Variants in MGAT4C observed in about 807,000 individuals in gnomAD.
MGAT4C encodes the protein alpha-1,3-mannosyl-glycoprotein 4-beta-N-acetylglucosaminyltransferase C.
Under a neutral mutation model 40.1 loss-of-function variants are expected in MGAT4C, and 19 were observed. That is an observed-to-expected ratio of 0.47 (90% CI 0.33 to 0.70). MGAT4C has a LOEUF of 0.70. Among genes scored for constraint, MGAT4C ranks in the 30% least tolerant of loss-of-function variants. The pLI, the probability that MGAT4C is intolerant of heterozygous loss-of-function variation, is 0.02. For missense variants in MGAT4C, 491 were observed against 563.2 expected, an observed-to-expected ratio of 0.87 and a Z score of 1.30; for synonymous variants, 181 against 187.1, an observed-to-expected ratio of 0.97 and a Z score of 0.27.
chr12:86,785,743 A>AC (rs1951919980), intron 1 of MGAT4C, among the ~76,000 whole-genome samples: 1 of 151,640 alleles, frequency 6.6e-6, no homozygotes, highest in East Asian at 1.9e-4. Context: ...ATAGGGTTAC[A>AC]CTATTTTTTA....
At chr12:86,736,576 A>G (rs1368085902) in intron 1 of MGAT4C, among the ~76,000 whole-genome samples, 4 of 151,780 alleles carry the variant, frequency 2.6e-5, no homozygotes, top group African/African-American at 9.7e-5. Flanking sequence ...ACGAGCCTGG[A>G]GGGAAAACCA....
chr12:86,773,948 T>C (rs1393718688), intron 1 of MGAT4C, among the ~76,000 whole-genome samples: 2 of 63,644 alleles, frequency 3.1e-5, no homozygotes, highest in Non-Finnish European at 7.0e-5. Context: ...GTAACTTCTT[T>C]TTTTTTTTTT....
In MGAT4C at chr12:85,963,385, AATG is replaced by A. The variant is rs1883209165; in HGVS notation, c.*15901_*15903del. 1 of 151,916 alleles carries A rather than the reference AATG, an allele frequency of 6.6e-6. No individual in the cohort carries two copies. The highest frequency in any genetic ancestry group is 2.4e-5 in the African/African-American group (1 of 41,430). 9.4% of individuals were successfully genotyped at this position (151,916 alleles called of 1,614,324 possible). On this transcript the variant is annotated 3_prime_UTR_variant, in exon 5 of 5. Coordinates refer to ENST00000611864, the MANE Select transcript of MGAT4C (RefSeq NM_001351288.2). ...TTTTGGGGTCCTGAAACTTTTTGAT[AATG>A]ATGAAAGCACAGAGATGCTATCAAG...
At chr12:86,572,049 A>G (rs1361603602) in intron 2 of MGAT4C, among the ~76,000 whole-genome samples, 1 of 152,112 alleles carries the variant, frequency 6.6e-6, no homozygotes, top group East Asian at 1.9e-4. Context: ...ACCACATCTT[A>G]TCTTTACTCA....
At chr12:86,550,030 G>A (rs1015067877) in intron 2 of MGAT4C, among the ~76,000 whole-genome samples, 1 of 152,108 alleles carries the variant, frequency 6.6e-6, no homozygotes, top group Admixed American at 6.5e-5. Flanking sequence ...GGATCATGGG[G>A]CAGTTTCCCC....
chr12:86,067,703 T>TA (rs993707681), intron 1 of MGAT4C, among the ~76,000 whole-genome samples: 3 of 151,252 alleles, frequency 2.0e-5, no homozygotes, highest in African/African-American at 4.8e-5. Context: ...ACTTAAAGTA[T>TA]AAAAAAAAAG....
intron 3 of MGAT4C, among the ~76,000 whole-genome samples, chr12:86,422,645 A>C (rs1379430720): frequency 1.3e-5 from 2 of 152,162 alleles, no homozygotes; most frequent in African/African-American, 4.8e-5. Flanking sequence ...GAATCATAAA[A>C]TTTCTATTTC....
chr12:86,763,349 C>G (rs1169675454), intron 1 of MGAT4C, among the ~76,000 whole-genome samples: 1 of 152,150 alleles, frequency 6.6e-6, no homozygotes, highest in Non-Finnish European at 1.5e-5. Context: ...CCTTTCAGGT[C>G]TGCATTCATA....
chr12:86,423,136 G>A (rs192293565), intron 3 of MGAT4C, among the ~76,000 whole-genome samples: 42 of 152,158 alleles, frequency 2.8e-4, no homozygotes, highest in African/African-American at 8.9e-4. Context: ...TTGCTTGAAT[G>A]TAAATTATTC....
At chr12:86,143,404 G>A (rs758098191) in intron 1 of MGAT4C, among the ~76,000 whole-genome samples, 1 of 152,218 alleles carries the variant, frequency 6.6e-6, no homozygotes, top group African/African-American at 2.4e-5. Context: ...AGTATGTCTG[G>A]CTTTCTGCTT....
rs976163139 is a variant in MGAT4C, at chr12:86,791,415, C to T, written c.-262+47251G>A. 2.7e-5 allele frequency among the ~76,000 whole-genome samples: 4 copies of T among 150,796 alleles called. 1 individual carries two copies. The highest frequency in any genetic ancestry group is 2.6e-4 in the Admixed American group (4 of 15,104). The stretch of plus-strand genomic sequence containing the variant: ...AAAAAAAATTTTTAATGCAAAGAAA[C>T]ATGCTGCTTTAAACTGTTTTTTTTT... On this transcript the variant is annotated intron_variant, in intron 1 of 7. Coordinates refer to the MGAT4C transcript ENST00000548651.
At chr12:86,496,125 C>T (rs899113024) in intron 2 of MGAT4C, among the ~76,000 whole-genome samples, 26 of 151,932 alleles carry the variant, frequency 1.7e-4, no homozygotes, top group African/African-American at 5.3e-4. Flanking sequence ...CTGTCAGCAG[C>T]AGGACCTAGA....
At chr12:86,353,993 G>A (rs1955243713) in intron 3 of MGAT4C, among the ~76,000 whole-genome samples, 1 of 152,110 alleles carries the variant, frequency 6.6e-6, no homozygotes, top group Non-Finnish European at 1.5e-5. Flanking sequence ...TCTGTACAAG[G>A]AGTATACGGT....
At chr12:86,633,930 G>A (rs374121905) in intron 2 of MGAT4C, among the ~76,000 whole-genome samples, 11 of 151,274 alleles carry the variant, frequency 7.3e-5, no homozygotes, top group African/African-American at 1.5e-4. Context: ...TTTTATTATC[G>A]CAATGGGCAA....
In MGAT4C at chr12:86,360,726, C is replaced by G. The variant is rs143644224; in HGVS notation, c.-119-26599G>C. Among the ~76,000 whole-genome samples, 944 of 152,318 alleles carry G rather than the reference C, an allele frequency of 6.2e-3. 8 individuals carry two copies. The highest frequency in any genetic ancestry group is 9.5e-3 in the Non-Finnish European group (643 of 68,034). ...CAGAGAGCCAAATCATGAGTAAACTCTCATTCACAATTGCTTGAAAGAGAA... is the reference window on the plus strand; with the variant it reads ...CAGAGAGCCAAATCATGAGTAAACTGTCATTCACAATTGCTTGAAAGAGAA... On this transcript the variant is annotated intron_variant, in intron 3 of 7. Transcript: ENST00000548651.
intron 3 of MGAT4C, among the ~76,000 whole-genome samples, chr12:86,428,530 TGA>T (rs1956975315): frequency 1.3e-5 from 2 of 152,334 alleles, no homozygotes; most frequent in African/African-American, 4.8e-5. Flanking sequence ...TTCGACTTTT[TGA>T]GAGAGTTTGA....
At chr12:86,521,261 G>C (rs939378152) in intron 2 of MGAT4C, among the ~76,000 whole-genome samples, 4 of 152,102 alleles carry the variant, frequency 2.6e-5, no homozygotes, top group Admixed American at 2.0e-4. Context: ...GTGTAAGAAA[G>C]GGGCCGACTT....
At chr12:86,260,800 T>C (rs771228281), upstream of MGAT4C, among the ~76,000 whole-genome samples, 1 of 151,932 alleles carries the variant, frequency 6.6e-6, no homozygotes, top group South Asian at 2.1e-4. Context: ...AAGAGAAATA[T>C]ATTATATAAA....
At position 86,565,609 on chromosome 12, in the gene MGAT4C, C is replaced by T. The variant is rs146974547; in HGVS notation, c.-228-130344G>A. On this transcript the variant is annotated intron_variant, in intron 2 of 7. Coordinates refer to the MGAT4C transcript ENST00000548651. Reference sequence around the variant, plus strand: ...CTGATTTATGGGCTGTACCCAATGGCGTGGCTGGATGCCCAGGGACTTAGA... The same window carrying T: ...CTGATTTATGGGCTGTACCCAATGGTGTGGCTGGATGCCCAGGGACTTAGA... Among the ~76,000 whole-genome samples the T allele has an allele frequency of 1.6e-4, 25 of 152,236 alleles. No homozygotes were observed. The East Asian group carries it at 4.1e-3, about 25-fold the overall frequency.
Sources: allele counts gnomAD v4.1 joint callset (sites outside exome capture counted in the v4.1 genomes callset), GRCh38; gene constraint gnomAD v4.1.1; transcripts MANE v1.5; gene names NCBI Gene and HGNC (gene_info 2026-07-23, HGNC 2026-07-21).